LNX1: variants seen among roughly 807,000 people sequenced by gnomAD.
LNX1 encodes ligand of numb-protein X 1, also known as E3 ubiquitin-protein ligase LNX.
LNX1 carries 54 observed loss-of-function variants against 68.4 expected under a neutral mutation model. The observed-to-expected ratio is 0.79, with a 90% CI of 0.63 to 0.99. LNX1 has a LOEUF of 0.99. Among genes scored for constraint, LNX1 ranks in the 50% least tolerant of loss-of-function variants. LNX1 has a pLI of 0.00. For synonymous variants in LNX1, 336 were observed against 350.0 expected, an observed-to-expected ratio of 0.96 and a Z score of 0.45; for missense variants, 906 against 926.4, an observed-to-expected ratio of 0.98 and a Z score of 0.29.
intron 2 of LNX1, among the ~76,000 whole-genome samples, chr4:53,550,620 G>A (rs558717631): frequency 6.6e-6 from 1 of 152,330 alleles, no homozygotes; most frequent in South Asian, 2.1e-4. Context: ...GGATGCTAAG[G>A]CAATCCACTG....
chr4:53,465,794 A>G (rs1722633819), intron 9 of LNX1, among the ~76,000 whole-genome samples: 1 of 152,230 alleles, frequency 6.6e-6, no homozygotes, highest in Non-Finnish European at 1.5e-5. Context: ...ACTAGTTATG[A>G]AACATAGTAC....
intron 6 of LNX1, 88 bp downstream of exon 6, chr4:53,495,935 A>T: frequency 6.9e-7 from 1 of 1,451,470 alleles, no homozygotes; most frequent in South Asian, 1.3e-5. Context: ...CACATGTGGT[A>T]GTGACAGGGT....
chr4:53,461,870 T>C (rs1722155767), intron 9 of LNX1, among the ~76,000 whole-genome samples: 2 of 152,180 alleles, frequency 1.3e-5, no homozygotes, highest in South Asian at 4.1e-4. Context: ...ATCATATTTT[T>C]AACTTAAGAC....
At chr4:53,590,264 A>G (rs1560684678) in intron 1 of LNX1, among the ~76,000 whole-genome samples, 1 of 152,198 alleles carries the variant, frequency 6.6e-6, no homozygotes, top group Admixed American at 6.5e-5. Flanking sequence ...ACCTTGGGAG[A>G]ATTTACATGC....
chr4:53,493,032 C>T (rs1278490632), intron 6 of LNX1, among the ~76,000 whole-genome samples: 3 of 151,936 alleles, frequency 2.0e-5, no homozygotes, highest in African/African-American at 2.4e-5. Flanking sequence ...TGCAGTGGTG[C>T]GATCTTGGCT....
intron 1 of LNX1, among the ~76,000 whole-genome samples, chr4:53,624,816 T>C (rs1230599259): frequency 6.6e-6 from 1 of 152,156 alleles, no homozygotes; most frequent in Admixed American, 6.6e-5. Context: ...CAATGATTAA[T>C]TAACTAAAAT....
At chr4:53,479,576 C>T (rs1358321688) in intron 7 of LNX1, among the ~76,000 whole-genome samples, 3 of 152,220 alleles carry the variant, frequency 2.0e-5, no homozygotes, top group African/African-American at 7.2e-5. Flanking sequence ...GAAAGCTTCA[C>T]ACCCAGGGTT....
At chr4:53,477,715 GT>G (rs1466385356) in intron 8 of LNX1, among the ~76,000 whole-genome samples, 1 of 151,842 alleles carries the variant, frequency 6.6e-6, no homozygotes, top group Non-Finnish European at 1.5e-5. Context: ...TCTTCATCCT[GT>G]TTTTTTCTGT....
At chr4:53,542,832 C>T (rs565476385) in intron 2 of LNX1, among the ~76,000 whole-genome samples, 15 of 152,224 alleles carry the variant, frequency 9.9e-5, no homozygotes, top group Middle Eastern at 3.4e-3. Context: ...ATGTTTAACC[C>T]GGTAAGAACC....
intron 5 of LNX1, chr4:53,496,637 C>T (rs1052586605): frequency 2.3e-6 from 1 of 434,546 alleles, no homozygotes; most frequent in African/African-American, 2.0e-5. Context: ...TGTTCTTACC[C>T]AAGCCCACAT....
At chr4:53,528,927 G>T (rs377352719) in intron 2 of LNX1, among the ~76,000 whole-genome samples, 2 of 152,160 alleles carry the variant, frequency 1.3e-5, no homozygotes, top group Admixed American at 6.5e-5. Context: ...ATGTCTGGTT[G>T]GTGGGAAGAG....
At chr4:53,570,664 T>TAAATA (rs367852101) in intron 2 of LNX1, among the ~76,000 whole-genome samples, 34 of 143,734 alleles carry the variant, frequency 2.4e-4, no homozygotes, top group South Asian at 1.1e-3. Flanking sequence ...TAAAGTATAA[T>TAAATA]AATAAATAAA....
At chr4:53,489,139 G>A (rs1457097310) in intron 6 of LNX1, among the ~76,000 whole-genome samples, 1 of 152,158 alleles carries the variant, frequency 6.6e-6, no homozygotes, top group Non-Finnish European at 1.5e-5. Flanking sequence ...AAAAGTTTAT[G>A]AGTATCTCAT....
At chr4:53,496,623 A>T in intron 5 of LNX1, 1 of 470,460 alleles carries the variant, frequency 2.1e-6, no homozygotes, top group Non-Finnish European at 3.7e-6. Context: ...ATCTTTCTCC[A>T]CCTTGTTCTT....
rs140862102 is a variant in LNX1, at chr4:53,527,771, A to G, written c.381-19544T>C. Among the ~76,000 whole-genome samples the G allele has an allele frequency of 3.8e-3, 586 of 152,298 alleles. 3 individuals carry two copies. The highest frequency in any genetic ancestry group is 0.013 in the African/African-American group (557 of 41,570). On this transcript the variant is annotated intron_variant, in intron 2 of 10. Coordinates refer to ENST00000263925, the MANE Select transcript of LNX1 (RefSeq NM_001126328.3). The stretch of plus-strand genomic sequence containing the variant: ...GAGCCTCAGCAGGGGAAAAGGGGCT[A>G]CCAGGGCTGTCAGCTACTGGACTTC...
chr4:53,568,648 G>T (rs928566524), intron 2 of LNX1, among the ~76,000 whole-genome samples: 1 of 150,940 alleles, frequency 6.6e-6, no homozygotes, highest in Admixed American at 6.6e-5. Context: ...CATAGTGTTG[G>T]AAGTTCTGGC....
intron 1 of LNX1, among the ~76,000 whole-genome samples, chr4:53,646,313 G>T (rs1734881049): frequency 1.3e-5 from 2 of 152,168 alleles, no homozygotes; most frequent in African/African-American, 2.4e-5. Flanking sequence ...TGTGGCAAAT[G>T]GAGAGAGCTC....
upstream of LNX1, among the ~76,000 whole-genome samples, chr4:53,596,067 T>A (rs182061201): frequency 3.0e-4 from 45 of 152,356 alleles, 1 homozygote; most frequent in African/African-American, 9.9e-4. Flanking sequence ...ATTACTTTTT[T>A]AAATGGGCTC....
At chr4:53,503,812 T>C (rs182249862) in intron 4 of LNX1, among the ~76,000 whole-genome samples, 2 of 152,294 alleles carry the variant, frequency 1.3e-5, no homozygotes, top group East Asian at 3.9e-4. Context: ...TGGCATCTTC[T>C]CCCAATATAA....
Sources: gnomAD v4.1 joint callset for allele counts (sites outside exome capture counted in the v4.1 genomes callset) on GRCh38, gnomAD v4.1.1 for gene constraint, MANE v1.5 for transcripts, NCBI Gene and HGNC (gene_info 2026-07-23, HGNC 2026-07-21) for gene names.